TMEM248: variants seen among roughly 807,000 people sequenced by gnomAD.
TMEM248 encodes UPF0458 protein C7orf42.
Under a neutral mutation model 30.3 loss-of-function variants are expected in TMEM248, and 9 were observed. That is an observed-to-expected ratio of 0.30 (90% CI 0.18 to 0.52). The LOEUF is 0.52. Ranked by LOEUF, TMEM248 falls within the 20% of genes least tolerant of loss-of-function variation. The probability of loss-of-function intolerance (pLI) is 0.97; values close to 1 mark genes in which losing one functional copy is unlikely to be tolerated. For synonymous variants in TMEM248, 184 were observed against 154.4 expected, an observed-to-expected ratio of 1.19 and a Z score of -1.42; for missense variants, 338 against 403.3, an observed-to-expected ratio of 0.84 and a Z score of 1.39.
intron 6 of TMEM248, among the ~76,000 whole-genome samples, chr7:66,953,730 G>A (rs564592454): frequency 2.6e-5 from 4 of 151,488 alleles, no homozygotes; most frequent in South Asian, 4.2e-4. Context: ...TCAGCCTCCC[G>A]AGGAGCTGGG....
At chr7:66,947,876 A>T (rs1303208089) in intron 3 of TMEM248, among the ~76,000 whole-genome samples, 1 of 151,968 alleles carries the variant, frequency 6.6e-6, no homozygotes. Context: ...GATCCTCCCT[A>T]GTACCTGGGA....
chr7:66,929,419 G>A (rs1791608953), intron 1 of TMEM248, among the ~76,000 whole-genome samples: 1 of 130,164 alleles, frequency 7.7e-6, no homozygotes, highest in Non-Finnish European at 1.7e-5. Flanking sequence ...ATGGAAATGA[G>A]AGACAAATTT....
At chr7:66,949,409 A>C (rs1309192248) in intron 4 of TMEM248, among the ~76,000 whole-genome samples, 3 of 152,140 alleles carry the variant, frequency 2.0e-5, no homozygotes, top group African/African-American at 7.2e-5. Flanking sequence ...CAGAGGTTGC[A>C]GTGAGCTGAG....
At chr7:66,954,853 A>T (rs1200893187) in intron 6 of TMEM248, among the ~76,000 whole-genome samples, 2 of 152,196 alleles carry the variant, frequency 1.3e-5, no homozygotes, top group Non-Finnish European at 2.9e-5. Flanking sequence ...TGTTGCTATT[A>T]AAGGGAGTGA....
chr7:66,934,489 C>G (rs895791413), intron 1 of TMEM248, among the ~76,000 whole-genome samples: 1 of 152,222 alleles, frequency 6.6e-6, no homozygotes, highest in African/African-American at 2.4e-5. Flanking sequence ...GCGTGAACCA[C>G]TGCGCCCGGT....
chr7:66,940,757 A>G (rs1791925578), intron 1 of TMEM248, among the ~76,000 whole-genome samples: 1 of 152,210 alleles, frequency 6.6e-6, no homozygotes, highest in Non-Finnish European at 1.5e-5. Flanking sequence ...GGAGCTTTTA[A>G]GCAGGGCTGG....
chr7:66,941,111 G>A (rs142041323), intron 1 of TMEM248, among the ~76,000 whole-genome samples: 15 of 151,720 alleles, frequency 9.9e-5, no homozygotes, highest in African/African-American at 2.9e-4. Context: ...AGCCGGGCAC[G>A]GTGGCTCACG....
At chr7:66,944,873 T>G in intron 2 of TMEM248, 103 bp from the exon 3 acceptor site, 1 of 1,211,632 alleles carries the variant, frequency 8.3e-7, no homozygotes, top group Non-Finnish European at 1.2e-6. Context: ...GAATTGTAGT[T>G]TGCTGATGTG....
chr7:66,934,802 A>C, intron 1 of TMEM248, among the ~76,000 whole-genome samples: 1 of 152,182 alleles, frequency 6.6e-6, no homozygotes, highest in Non-Finnish European at 1.5e-5. Context: ...CTATAATCCC[A>C]ACACTGTGGG....
intron 1 of TMEM248, among the ~76,000 whole-genome samples, chr7:66,926,875 G>T (rs1045089549): frequency 1.3e-5 from 2 of 152,132 alleles, no homozygotes; most frequent in African/African-American, 4.8e-5. Context: ...TGATCCTGGG[G>T]AGTACATGAC....
At chr7:66,954,175 A>G (rs557796735) in intron 6 of TMEM248, among the ~76,000 whole-genome samples, 4 of 139,900 alleles carry the variant, frequency 2.9e-5, no homozygotes, top group Non-Finnish European at 6.3e-5. Flanking sequence ...AACTGCTGTT[A>G]TCAAGTGATC....
chr7:66,925,795 C>A (rs563322767), intron 1 of TMEM248, among the ~76,000 whole-genome samples: 1 of 151,562 alleles, frequency 6.6e-6, no homozygotes, highest in South Asian at 2.1e-4. Context: ...GTGCACGCCA[C>A]CACGCCACGC....
chr7:66,951,222 G>A, intron 5 of TMEM248, 87 bp downstream of exon 5: 8 of 1,305,144 alleles, frequency 6.1e-6, no homozygotes, highest in Non-Finnish European at 8.1e-6. Flanking sequence ...TGTAGGCCCT[G>A]CTGACTTCCC....
intron 1 of TMEM248, among the ~76,000 whole-genome samples, chr7:66,937,084 C>T (rs1430181321): frequency 6.6e-6 from 1 of 152,060 alleles, no homozygotes; most frequent in African/African-American, 2.4e-5. Context: ...ATTGCTTTCA[C>T]TGGATCCCAT....
chr7:66,922,034 T>G (rs10234322), intron 1 of TMEM248: 18,075 of 152,210 alleles, frequency 0.12, 1,263 homozygotes, highest in East Asian at 0.2. Flanking sequence ...CCATCAGAAA[T>G]AAAACCAGGC....
intron 3 of TMEM248, 98 bp from the exon 4 acceptor site, chr7:66,948,446 G>T: frequency 2.1e-6 from 3 of 1,425,170 alleles, no homozygotes; most frequent in East Asian, 2.5e-5. Context: ...GCTGATAGAT[G>T]ATTCCTGTGT....
intron 1 of TMEM248, among the ~76,000 whole-genome samples, chr7:66,937,732 C>A (rs867512690): frequency 3.3e-5 from 5 of 151,812 alleles, no homozygotes; most frequent in Non-Finnish European, 5.9e-5. Flanking sequence ...TTTTTTGAGA[C>A]GGAGTTTTGC....
At chr7:66,927,193 CG>C (rs1006670804) in intron 1 of TMEM248, among the ~76,000 whole-genome samples, 3 of 151,586 alleles carry the variant, frequency 2.0e-5, no homozygotes, top group Non-Finnish European at 2.9e-5. Context: ...TTTTAAGAAG[CG>C]GGGGGGTTGA....
chr7:66,933,464 A>G (rs181424379), intron 1 of TMEM248, among the ~76,000 whole-genome samples: 174 of 152,362 alleles, frequency 1.1e-3, no homozygotes, highest in African/African-American at 4.0e-3. Context: ...CTGAGTAGTT[A>G]AATCTTTGGA....
Sources: gnomAD v4.1 joint callset for allele counts (sites outside exome capture counted in the v4.1 genomes callset) on GRCh38, gnomAD v4.1.1 for gene constraint, MANE v1.5 for transcripts, NCBI Gene and HGNC (gene_info 2026-07-23, HGNC 2026-07-21) for gene names.